Variants in NKAIN2 observed in about 807,000 individuals in gnomAD.
The protein encoded by NKAIN2 is sodium/potassium transporting ATPase interacting 2.
NKAIN2 carries 14 observed loss-of-function variants against 32.6 expected under a neutral mutation model. The ratio of observed to expected loss-of-function variants is 0.43; its 90% CI spans 0.28 to 0.67. The LOEUF is 0.67. Among genes scored for constraint, NKAIN2 ranks in the 30% least tolerant of loss-of-function variants. NKAIN2 has a pLI of 0.17. For missense variants in NKAIN2, 198 were observed against 258.3 expected (o/e 0.77, Z 1.60); for synonymous variants, 80 against 87.2 (o/e 0.92, Z 0.46).
intron 1 of NKAIN2, among the ~76,000 whole-genome samples, chr6:123,979,399 A>G (rs60981052): frequency 0.11 from 16,995 of 152,110 alleles, 1,050 homozygotes; most frequent in Middle Eastern, 0.16. Context: ...TTTCTGGCCT[A>G]TTTATCTTCC....
intron 1 of NKAIN2, among the ~76,000 whole-genome samples, chr6:124,029,233 C>T (rs1404624920): frequency 1.3e-5 from 2 of 151,824 alleles, no homozygotes; most frequent in Non-Finnish European, 2.9e-5. Flanking sequence ...ACGGAAAGTG[C>T]TTTGCATCCT....
chr6:124,729,959 A>G (rs900771207), intron 4 of NKAIN2, among the ~76,000 whole-genome samples: 76 of 144,410 alleles, frequency 5.3e-4, no homozygotes, highest in African/African-American at 1.8e-3. Flanking sequence ...CCCATTCACA[A>G]TTGCTTCAAA....
At chr6:124,695,075 TC>T (rs1774435629) in intron 4 of NKAIN2, among the ~76,000 whole-genome samples, 1 of 152,072 alleles carries the variant, frequency 6.6e-6, no homozygotes, top group Admixed American at 6.6e-5. Flanking sequence ...TAGTGTTTTT[TC>T]AGTAGTGCAT....
rs1418112714 is a variant in NKAIN2 at position 124,672,673 on chromosome 6, T to C, written c.474+14287T>C. Among the ~76,000 whole-genome samples, 3 of 152,106 alleles carry C rather than the reference T, an allele frequency of 2.0e-5. No individual in the cohort carries two copies. The East Asian group carries it at 5.8e-4, about 29-fold the overall frequency. Reference sequence around the variant, plus strand: ...GAAAAAAGTAGTAAGCCTTTGACAATGAGGCTGTGTGGAATAAGGGAAAGG... The same window carrying C: ...GAAAAAAGTAGTAAGCCTTTGACAACGAGGCTGTGTGGAATAAGGGAAAGG... On this transcript the variant is annotated intron_variant, in intron 4 of 6. Coordinates refer to ENST00000368417, the MANE Select transcript of NKAIN2 (RefSeq NM_001040214.3).
At chr6:123,983,109 G>A (rs745430425) in intron 1 of NKAIN2, among the ~76,000 whole-genome samples, 6 of 152,092 alleles carry the variant, frequency 3.9e-5, no homozygotes, top group Admixed American at 3.9e-4. Flanking sequence ...GAGTAGTAGG[G>A]CTATTAACTA....
At chr6:124,274,241 C>G (rs1441316087) in intron 1 of NKAIN2, among the ~76,000 whole-genome samples, 1 of 152,040 alleles carries the variant, frequency 6.6e-6, no homozygotes, top group Admixed American at 6.6e-5. Flanking sequence ...TTACTGTGAA[C>G]TAGTCTGTAC....
At chr6:124,338,935 A>G (rs754463829) in intron 2 of NKAIN2, among the ~76,000 whole-genome samples, 2 of 152,176 alleles carry the variant, frequency 1.3e-5, no homozygotes, top group Non-Finnish European at 2.9e-5. Flanking sequence ...AGTGACAGAG[A>G]GGTTAGGTGG....
At chr6:124,393,347 T>A (rs953400305) in intron 3 of NKAIN2, among the ~76,000 whole-genome samples, 1 of 152,072 alleles carries the variant, frequency 6.6e-6, no homozygotes, top group African/African-American at 2.4e-5. Context: ...ATAGAATTTT[T>A]TTTTTTTGGA....
chr6:124,512,621 G>C (rs1439816746), intron 3 of NKAIN2, among the ~76,000 whole-genome samples: 1 of 152,144 alleles, frequency 6.6e-6, no homozygotes, highest in Non-Finnish European at 1.5e-5. Flanking sequence ...TAGTCAGGCT[G>C]TTGCCATATG....
At chr6:123,962,763 G>C (rs1204831407) in intron 1 of NKAIN2, among the ~76,000 whole-genome samples, 2 of 152,176 alleles carry the variant, frequency 1.3e-5, no homozygotes, top group Admixed American at 6.5e-5. Context: ...ATCCACGTGA[G>C]CTTGTGCTTG....
intron 1 of NKAIN2, among the ~76,000 whole-genome samples, chr6:123,958,260 A>G (rs1298560184): frequency 2.0e-5 from 3 of 152,188 alleles, no homozygotes; most frequent in Admixed American, 6.5e-5. Context: ...ATTGCAAATC[A>G]TCAGAAATCA....
chr6:124,533,789 A>G (rs1195331868), intron 3 of NKAIN2, among the ~76,000 whole-genome samples: 1 of 152,154 alleles, frequency 6.6e-6, no homozygotes, highest in Admixed American at 6.5e-5. Context: ...TATTTCCCAC[A>G]GTTTGGGAAG....
At chr6:124,074,051 A>T (rs1308077952) in intron 1 of NKAIN2, among the ~76,000 whole-genome samples, 1 of 152,162 alleles carries the variant, frequency 6.6e-6, no homozygotes, top group Admixed American at 6.5e-5. Flanking sequence ...TGCAAGGCAA[A>T]ATCAGAAAAG....
At chr6:124,360,046 G>A (rs540586724) in intron 3 of NKAIN2, among the ~76,000 whole-genome samples, 17 of 152,012 alleles carry the variant, frequency 1.1e-4, no homozygotes, top group Non-Finnish European at 2.4e-4. Flanking sequence ...GGTTTTTGTC[G>A]TTGGTTCTGT....
intron 1 of NKAIN2, among the ~76,000 whole-genome samples, chr6:124,161,439 C>T (rs1388226206): frequency 2.0e-5 from 3 of 152,022 alleles, no homozygotes; most frequent in African/African-American, 7.2e-5. Flanking sequence ...GACACAGATC[C>T]AAACCATATC....
chr6:124,437,693 C>T (rs1775508501), intron 3 of NKAIN2, among the ~76,000 whole-genome samples: 1 of 151,990 alleles, frequency 6.6e-6, no homozygotes, highest in Non-Finnish European at 1.5e-5. Flanking sequence ...AGAAACTGGC[C>T]ATTCATGAGG....
intron 3 of NKAIN2, among the ~76,000 whole-genome samples, chr6:124,583,426 G>T (rs969173994): frequency 6.6e-6 from 1 of 151,794 alleles, no homozygotes; most frequent in African/African-American, 2.4e-5. Flanking sequence ...GAAATGAAAG[G>T]CTTACACAAT....
chr6:124,134,394 A>G (rs529206900), intron 1 of NKAIN2, among the ~76,000 whole-genome samples: 29 of 152,226 alleles, frequency 1.9e-4, no homozygotes, highest in Non-Finnish European at 3.4e-4. Context: ...CCTAAGAATA[A>G]TTGGTGTTCT....
At chr6:124,456,343 T>C (rs989250866) in intron 3 of NKAIN2, among the ~76,000 whole-genome samples, 2 of 151,774 alleles carry the variant, frequency 1.3e-5, no homozygotes, top group Non-Finnish European at 2.9e-5. Flanking sequence ...TAACTATACA[T>C]CTATCTATCT....
Sources: allele counts gnomAD v4.1 joint callset (sites outside exome capture counted in the v4.1 genomes callset), GRCh38; gene constraint gnomAD v4.1.1; transcripts MANE v1.5; gene names NCBI Gene and HGNC (gene_info 2026-07-23, HGNC 2026-07-21).